Variants in BABAM2 observed in about 807,000 individuals in gnomAD.
BABAM2 encodes BRISC and BRCA1-A complex member 2.
A neutral mutation model predicts 54.7 loss-of-function variants in BABAM2; 31 were observed. That is an observed-to-expected ratio of 0.57 (90% confidence interval 0.43 to 0.77). BABAM2 has a LOEUF of 0.77. Among genes scored for constraint, BABAM2 ranks in the 30% least tolerant of loss-of-function variants. The pLI, the probability that BABAM2 is intolerant of heterozygous loss-of-function variation, is 0.00. For synonymous variants in BABAM2, 167 were observed against 162.9 expected (o/e 1.03, Z -0.19); for missense variants, 364 against 455.8 (o/e 0.80, Z 1.83).
intron 7 of BABAM2, among the ~76,000 whole-genome samples, chr2:28,187,400 A>C (rs1330511121): frequency 2.6e-5 from 4 of 152,178 alleles, no homozygotes; most frequent in Non-Finnish European, 2.9e-5. Context: ...TATCCACAGA[A>C]CTGTGACTTG....
At chr2:27,973,526 CT>C (rs1334767543) in intron 3 of BABAM2, among the ~76,000 whole-genome samples, 1 of 151,216 alleles carries the variant, frequency 6.6e-6, no homozygotes, top group African/African-American at 2.4e-5. Flanking sequence ...AGACTCTTTT[CT>C]TTTGGGGTTT....
At chr2:27,925,218 T>A (rs935620618) in intron 2 of BABAM2, among the ~76,000 whole-genome samples, 1 of 152,174 alleles carries the variant, frequency 6.6e-6, no homozygotes, top group African/African-American at 2.4e-5. Flanking sequence ...TCTTCTATCT[T>A]TTCTGTGATG....
At chr2:28,085,186 A>G (rs1665529821) in intron 6 of BABAM2, among the ~76,000 whole-genome samples, 1 of 152,240 alleles carries the variant, frequency 6.6e-6, no homozygotes, top group Non-Finnish European at 1.5e-5. Context: ...TTGGGGATGA[A>G]TAGAACATTA....
intron 4 of BABAM2, among the ~76,000 whole-genome samples, chr2:28,004,619 G>A (rs1673820749): frequency 6.6e-6 from 1 of 151,770 alleles, no homozygotes; most frequent in Non-Finnish European, 1.5e-5. Context: ...TTCTTTAGGA[G>A]GTTAAAAAAT....
At chr2:27,952,072 T>C (rs1327976153) in intron 3 of BABAM2, among the ~76,000 whole-genome samples, 1 of 152,258 alleles carries the variant, frequency 6.6e-6, no homozygotes, top group Non-Finnish European at 1.5e-5. Context: ...TTATTAAATT[T>C]GTAAACATTT....
chr2:27,961,604 A>G (rs1242998706), intron 3 of BABAM2, among the ~76,000 whole-genome samples: 1 of 152,164 alleles, frequency 6.6e-6, no homozygotes, highest in Non-Finnish European at 1.5e-5. Flanking sequence ...CCCCATTGTA[A>G]GTTGAGGAGT....
At chr2:28,177,268 A>G (rs1245330783) in intron 7 of BABAM2, among the ~76,000 whole-genome samples, 2 of 152,128 alleles carry the variant, frequency 1.3e-5, no homozygotes, top group African/African-American at 4.8e-5. Context: ...CTGAAAGAAA[A>G]AAAAAAAACT....
intron 6 of BABAM2, among the ~76,000 whole-genome samples, chr2:28,077,709 C>T (rs1238780058): frequency 6.6e-6 from 1 of 152,058 alleles, no homozygotes; most frequent in Non-Finnish European, 1.5e-5. Flanking sequence ...CCCTCTCACT[C>T]CCTCAACTCC....
chr2:28,123,899 C>T (rs568641621), intron 6 of BABAM2, among the ~76,000 whole-genome samples: 7 of 152,180 alleles, frequency 4.6e-5, no homozygotes, highest in South Asian at 4.1e-4. Flanking sequence ...AGAGTCATTC[C>T]GTTTGTTTGG....
In BABAM2 at chr2:27,976,545, G is replaced by C. The variant is rs140245231; in HGVS notation, c.206-11448G>C. On this transcript the variant is annotated intron_variant, in intron 3 of 11. Transcript: ENST00000379624. Reference sequence around the variant, plus strand: ...CCAAGAGCAGGTCAGAGGTTTCCAGGAATAAGGAATGGTCGGAATATTTAA... The same window carrying C: ...CCAAGAGCAGGTCAGAGGTTTCCAGCAATAAGGAATGGTCGGAATATTTAA... 7.4e-3 allele frequency among the ~76,000 whole-genome samples: 1,121 copies of C among 152,102 alleles called. 6 individuals carry two copies. Among genetic ancestry groups the C allele is most frequent in the Middle Eastern group, 0.014 (4 of 294 alleles).
chr2:28,273,937 T>G (rs560317727), intron 10 of BABAM2, among the ~76,000 whole-genome samples: 1 of 152,316 alleles, frequency 6.6e-6, no homozygotes, highest in South Asian at 2.1e-4. Context: ...TTAAATCACA[T>G]GAAAGCAAAG....
chr2:28,259,178 C>G (rs569650629), intron 10 of BABAM2, among the ~76,000 whole-genome samples: 4 of 143,506 alleles, frequency 2.8e-5, no homozygotes, highest in African/African-American at 1.0e-4. Flanking sequence ...ATCTCCACCT[C>G]CCAGGTTCAA....
intron 10 of BABAM2, 64 bp from the exon 11 acceptor site, chr2:28,298,273 CA>C (rs551838727): frequency 0.029 from 31,115 of 1,069,736 alleles, no homozygotes; most frequent in South Asian, 0.052. Context: ...CGGATTTAGT[CA>C]AAAAAAAAAA....
intron 2 of BABAM2, among the ~76,000 whole-genome samples, chr2:27,905,200 G>T (rs1666101438): frequency 1.3e-5 from 2 of 152,164 alleles, no homozygotes; most frequent in South Asian, 4.1e-4. Flanking sequence ...AGGACCAGAA[G>T]AAATAAAATA....
intron 3 of BABAM2, among the ~76,000 whole-genome samples, chr2:27,952,556 T>C (rs7586646): frequency 0.08 from 12,178 of 152,262 alleles, 750 homozygotes; most frequent in African/African-American, 0.17. Flanking sequence ...CACCAATGTA[T>C]TTATGTTTGT....
intron 6 of BABAM2, among the ~76,000 whole-genome samples, chr2:28,072,265 C>T (rs760160215): frequency 2.6e-5 from 4 of 152,096 alleles, no homozygotes; most frequent in African/African-American, 9.7e-5. Context: ...CTTCGCCTCC[C>T]GGATTCAAGC....
chr2:28,260,194 C>A (rs1684370215), intron 10 of BABAM2, among the ~76,000 whole-genome samples: 1 of 152,074 alleles, frequency 6.6e-6, no homozygotes, highest in African/African-American at 2.4e-5. Flanking sequence ...CCACACCCAG[C>A]CTTCTGAATT....
At position 28,114,208 on chromosome 2, in the gene BABAM2, A is replaced by G. The variant is rs185328420; in HGVS notation, c.571-15063A>G. Among the ~76,000 whole-genome samples the G allele has an allele frequency of 2.0e-5, 3 of 152,334 alleles. No homozygotes were observed. In the East Asian group the frequency reaches 5.8e-4, roughly 29 times the overall value. On this transcript the variant is annotated intron_variant, in intron 6 of 11. Coordinates refer to ENST00000379624, the MANE Select transcript of BABAM2 (RefSeq NM_199191.3). ...AAGAGAAAGAAATAAAGAGTATTCA[A>G]ACAGGAAGAGAGGAAGTCAAATTAC...
intron 8 of BABAM2, among the ~76,000 whole-genome samples, chr2:28,240,803 G>A (rs1682341153): frequency 6.6e-6 from 1 of 151,178 alleles, no homozygotes; most frequent in African/African-American, 2.4e-5. Flanking sequence ...CCAGGAGGTG[G>A]AGGTTGCAGT....
Sources: gnomAD v4.1 joint callset for allele counts (sites outside exome capture counted in the v4.1 genomes callset) on GRCh38, gnomAD v4.1.1 for gene constraint, MANE v1.5 for transcripts, NCBI Gene and HGNC (gene_info 2026-07-23, HGNC 2026-07-21) for gene names.